The following ACAN variants were observed in gnomAD, a reference collection of about 807,000 sequenced individuals.
ACAN encodes aggrecan core protein.
Under a neutral mutation model 169.1 loss-of-function variants are expected in ACAN, and 47 were observed. The ratio of observed to expected loss-of-function variants is 0.28; its 90% CI spans 0.22 to 0.35. The LOEUF is 0.35. Ranked by LOEUF, ACAN falls within the 10% of genes least tolerant of loss-of-function variation. ACAN has a pLI of 1.00. For missense variants in ACAN, 2,716 were observed against 2,759.9 expected, an observed-to-expected ratio of 0.98 and a Z score of 0.36; for synonymous variants, 1,115 against 1,112.2, an observed-to-expected ratio of 1.00 and a Z score of -0.05.
intron 1 of ACAN, among the ~76,000 whole-genome samples, chr15:88,810,068 T>C (rs983743798): frequency 3.3e-5 from 5 of 152,092 alleles, no homozygotes; most frequent in Non-Finnish European, 7.4e-5. Context: ...CACCACAGCG[T>C]CTTCTTCATT....
At chr15:88,824,208 C>A (rs1398671843) in intron 1 of ACAN, among the ~76,000 whole-genome samples, 3 of 151,966 alleles carry the variant, frequency 2.0e-5, no homozygotes, top group Non-Finnish European at 4.4e-5. Context: ...CCTGTAGTCC[C>A]AGCTACTCAG....
rs1319940654 is a variant in ACAN, at chr15:88,871,000, C to T, written c.7061-382C>T. 6.6e-6 allele frequency among the ~76,000 whole-genome samples: 1 copy of T among 152,210 alleles called. No homozygotes were observed. The highest frequency in any genetic ancestry group is 2.4e-5 in the African/African-American group (1 of 41,430). ...CTCCACTCCCTCTCTCCCTGGAGCC[C>T]CCCAGAGCCACAGAACCATGTTTTG... On this transcript the variant is annotated intron_variant, in intron 14 of 18. Coordinates refer to ENST00000560601, the MANE Select transcript of ACAN (RefSeq NM_001369268.1). The surrounding 1 kb of genome is among the most constrained non-coding windows in gnomAD (Gnocchi z 6.3).
Position 88,814,161 on chromosome 15 carries a change from T to G in ACAN, c.-8+10352T>G, listed in dbSNP as rs145023370. Among the ~76,000 whole-genome samples the G allele has an allele frequency of 6.6e-6, 1 of 152,346 alleles. No homozygotes were observed. Among genetic ancestry groups the G allele is most frequent in the African/African-American group, 2.4e-5 (1 of 41,576 alleles). On this transcript the variant is annotated intron_variant, in intron 1 of 18. Transcript: ENST00000560601. The surrounding 1 kb of genome is among the most constrained non-coding windows in gnomAD (Gnocchi z 4.0). Reference sequence around the variant, plus strand: ...TGACCTTGACAGAGTTGATTAGTCTTGCTGTGCCTCGTTTTCCTCATCTGT... The same window carrying G: ...TGACCTTGACAGAGTTGATTAGTCTGGCTGTGCCTCGTTTTCCTCATCTGT...
intron 11 of ACAN, among the ~76,000 whole-genome samples, chr15:88,852,820 A>G (rs1896960461): frequency 6.6e-6 from 1 of 152,218 alleles, no homozygotes; most frequent in African/African-American, 2.4e-5. Flanking sequence ...GCTTGATTTA[A>G]AACAATGTAC....
chr15:88,847,900 C>G lies in ACAN; in HGVS notation c.1605-11C>G, dbSNP rs373257378. ...CAGGCCTTCATCTTCTCCTCCCACT[C>G]TCCTTTGCAGATACCCCATTGTGAG... is the stretch of plus-strand genomic sequence containing the variant. On this transcript the variant is annotated splice_polypyrimidine_tract_variant and intron_variant, in intron 8 of 18. Coordinates refer to ENST00000560601, the MANE Select transcript of ACAN (RefSeq NM_001369268.1). 2 of 1,612,872 alleles carry G rather than the reference C, an allele frequency of 1.2e-6. No homozygotes were observed. Among genetic ancestry groups the G allele is most frequent in the Non-Finnish European group, 1.7e-6 (2 of 1,179,204 alleles).
intron 5 of ACAN, 61 bp downstream of exon 5, chr15:88,841,928 C>T: frequency 3.7e-6 from 6 of 1,601,840 alleles, no homozygotes; most frequent in Non-Finnish European, 5.1e-6. Context: ...CTTCCCCTCC[C>T]CATCTCCCCA....
intron 12 of ACAN, 68 bp from the exon 13 acceptor site, chr15:88,860,258 G>C: frequency 8.6e-7 from 1 of 1,165,500 alleles, no homozygotes; most frequent in South Asian, 1.5e-5. Flanking sequence ...CCAACTTTGA[G>C]GTCTTGGAGG....
chr15:88,859,480 A>C, intron 12 of ACAN, 63 bp downstream of exon 12: 1 of 1,548,424 alleles, frequency 6.5e-7, no homozygotes. Context: ...CTACTGCAGC[A>C]CAGAAGGAGG....
In ACAN at chr15:88,874,380, T is replaced by C. The variant is rs750311302; in HGVS notation, c.7631-25T>C. Reference sequence around the variant, plus strand: ...CACTTTCTTTCCAGGTCCACTGATATCTTTCCATCTCCCTTTCGTCCTAGC... The same window carrying C: ...CACTTTCTTTCCAGGTCCACTGATACCTTTCCATCTCCCTTTCGTCCTAGC... On this transcript the variant is annotated intron_variant, in intron 18 of 18. Transcript: ENST00000560601. The surrounding 1 kb of genome is among the most constrained non-coding windows in gnomAD (Gnocchi z 7.3). 2 of 1,575,290 alleles carry C rather than the reference T, an allele frequency of 1.3e-6. No individual in the cohort carries two copies. The highest frequency in any genetic ancestry group is 1.2e-5 in the South Asian group (1 of 86,066).
intron 1 of ACAN, among the ~76,000 whole-genome samples, chr15:88,813,950 C>T (rs1400135208): frequency 1.3e-5 from 2 of 152,240 alleles, no homozygotes; most frequent in Non-Finnish European, 1.5e-5. Context: ...GGTCTCTCCT[C>T]AGTTGTGATG....
At chr15:88,841,222 C>A (rs754096807) in intron 4 of ACAN, among the ~76,000 whole-genome samples, 2 of 152,230 alleles carry the variant, frequency 1.3e-5, no homozygotes, top group Non-Finnish European at 2.9e-5. Flanking sequence ...GATTTAACAC[C>A]TCTGAGCCCC....
At chr15:88,811,214 G>A (rs892265127) in intron 1 of ACAN, among the ~76,000 whole-genome samples, 1 of 152,212 alleles carries the variant, frequency 6.6e-6, no homozygotes, top group African/African-American at 2.4e-5. Context: ...TCTCTTCCCT[G>A]CAGGGCTTCT....
chr15:88,835,511 G>A (rs1043508183), intron 1 of ACAN, among the ~76,000 whole-genome samples: 7 of 152,192 alleles, frequency 4.6e-5, no homozygotes, highest in South Asian at 2.1e-4. Flanking sequence ...TGATAAGTTG[G>A]TAAGCTAGAC....
chr15:88,835,367 A>G (rs1205994128), intron 1 of ACAN, among the ~76,000 whole-genome samples: 1 of 152,152 alleles, frequency 6.6e-6, no homozygotes, highest in East Asian at 1.9e-4. Context: ...AATAGGACAC[A>G]TGCACACAGA....
At chr15:88,816,037 G>A (rs182779105) in intron 1 of ACAN, among the ~76,000 whole-genome samples, 17 of 152,270 alleles carry the variant, frequency 1.1e-4, no homozygotes, top group Non-Finnish European at 2.4e-4. Context: ...TTGGCTTGCA[G>A]CTGCGTCACT....
rs147781279 is a variant in ACAN at position 88,842,860 on chromosome 15, A to C, written c.758-495A>C. ...ATTTTGGGAAATTTTTTTTAAGCTC[A>C]TGGTCCTCGAATGATGCTCTTACGG... On this transcript the variant is annotated intron_variant, in intron 5 of 18. Coordinates refer to ENST00000560601, the MANE Select transcript of ACAN (RefSeq NM_001369268.1). 4.7e-3 allele frequency among the ~76,000 whole-genome samples: 718 copies of C among 152,188 alleles called. 3 individuals carry two copies. Among genetic ancestry groups the C allele is most frequent in the African/African-American group, 0.016 (662 of 41,526 alleles).
In ACAN at chr15:88,873,744, G is replaced by T; in HGVS notation, c.7448-98G>T. 2.3e-6 allele frequency: 3 copies of T among 1,309,094 alleles called. No homozygotes were observed. The highest frequency in any genetic ancestry group is 3.2e-6 in the Non-Finnish European group (3 of 944,500). 81.1% of individuals were successfully genotyped at this position (1,309,094 alleles called of 1,614,324 possible). ...AAACGTCCAGGGCTCACTGTCAGAT[G>T]TTGAGGCTGTGTCCCCCACAGTGCC... On this transcript the variant is annotated intron_variant, in intron 17 of 18. Coordinates refer to ENST00000560601, the MANE Select transcript of ACAN (RefSeq NM_001369268.1). This position sits in a 1 kb window ranked among gnomAD's most constrained non-coding sequence, Gnocchi z 7.5.
At chr15:88,826,987 T>A (rs1896240242) in intron 1 of ACAN, among the ~76,000 whole-genome samples, 1 of 152,198 alleles carries the variant, frequency 6.6e-6, no homozygotes, top group Non-Finnish European at 1.5e-5. Flanking sequence ...GTCTAACCTC[T>A]CTGAGCCATT....
intron 6 of ACAN, among the ~76,000 whole-genome samples, chr15:88,845,278 T>G (rs879907902): frequency 5.9e-5 from 9 of 152,228 alleles, no homozygotes; most frequent in Admixed American, 5.9e-4. Flanking sequence ...TCTTGCCCTC[T>G]GATAGCTCTT....
Sources: allele counts gnomAD v4.1 joint callset (sites outside exome capture counted in the v4.1 genomes callset), GRCh38; gene constraint gnomAD v4.1.1; non-coding constraint Gnocchi (gnomAD v3.1); transcripts MANE v1.5; gene names NCBI Gene and HGNC (gene_info 2026-07-23, HGNC 2026-07-21).